WDR59: variants seen among roughly 807,000 people sequenced by gnomAD.
WDR59 encodes GATOR2 complex protein WDR59.
A neutral mutation model predicts 131.2 loss-of-function variants in WDR59; 100 were observed. The ratio of observed to expected loss-of-function variants is 0.76; its 90% CI spans 0.65 to 0.90. The LOEUF is 0.90. Ranked by LOEUF, WDR59 falls within the 40% of genes least tolerant of loss-of-function variation. The pLI, the probability that WDR59 is intolerant of heterozygous loss-of-function variation, is 0.00. For synonymous variants in WDR59, 601 were observed against 466.2 expected, an observed-to-expected ratio of 1.29 and a Z score of -3.72; for missense variants, 1,203 against 1,262.2, an observed-to-expected ratio of 0.95 and a Z score of 0.71.
chr16:74,936,137 C>A (rs998973684), intron 8 of WDR59, among the ~76,000 whole-genome samples: 1 of 152,110 alleles, frequency 6.6e-6, no homozygotes, highest in Admixed American at 6.6e-5. Context: ...ATGCCCCAGC[C>A]TCCCAAAGTG....
At chr16:74,915,673 C>G in intron 13 of WDR59, 197 bp downstream of exon 13, 1 of 644,040 alleles carries the variant, frequency 1.6e-6, no homozygotes. Context: ...ATCTGTCCAC[C>G]TCAGACTCCC....
At chr16:74,922,228 T>A in intron 9 of WDR59, 125 bp from the exon 10 acceptor site, 1 of 1,263,854 alleles carries the variant, frequency 7.9e-7, no homozygotes, top group South Asian at 1.5e-5. Context: ...CCCCAACTCA[T>A]CTGGAGAAAT....
At chr16:74,911,152 C>T (rs1597695990) in intron 14 of WDR59, among the ~76,000 whole-genome samples, 1 of 152,198 alleles carries the variant, frequency 6.6e-6, no homozygotes, top group African/African-American at 2.4e-5. Flanking sequence ...GAGTGAGCCA[C>T]CGCACCCGGA....
At chr16:74,907,484 A>C (rs1347151938) in intron 17 of WDR59, among the ~76,000 whole-genome samples, 1 of 152,130 alleles carries the variant, frequency 6.6e-6, no homozygotes, top group Non-Finnish European at 1.5e-5. Context: ...GCCATGTAAG[A>C]AGTGCCTCTT....
intron 1 of WDR59, among the ~76,000 whole-genome samples, chr16:74,984,284 AT>A (rs1416342375): frequency 1.3e-5 from 2 of 152,186 alleles, no homozygotes; most frequent in Non-Finnish European, 2.9e-5. Flanking sequence ...CTCAAAAAAA[AT>A]AAATTAAATT....
Position 74,884,626 on chromosome 16 carries a change from G to C in WDR59, c.2689+1027C>G, listed in dbSNP as rs1034895974. 7.2e-5 allele frequency among the ~76,000 whole-genome samples: 11 copies of C among 152,322 alleles called. 1 individual carries two copies. The highest frequency in any genetic ancestry group is 1.9e-4 in the East Asian group (1 of 5,186). ...GCCTCCCAAAGTGCTGGGATTACAGGCGTAAGTCACCACGTCCGGCCAAAT... is the reference window on the plus strand; with the variant it reads ...GCCTCCCAAAGTGCTGGGATTACAGCCGTAAGTCACCACGTCCGGCCAAAT... On this transcript the variant is annotated intron_variant, in intron 25 of 25. Transcript: ENST00000262144.
chr16:74,958,286 T>C (rs761299172), intron 2 of WDR59, among the ~76,000 whole-genome samples: 1 of 151,812 alleles, frequency 6.6e-6, no homozygotes, highest in African/African-American at 2.4e-5. Flanking sequence ...CAAATGGTAA[T>C]TGATCTAAAG....
chr16:74,981,613 CATAT>C (rs1162042042), intron 1 of WDR59, among the ~76,000 whole-genome samples: 60 of 27,768 alleles, frequency 2.2e-3, no homozygotes, highest in African/African-American at 8.3e-3. Context: ...TATACATTTA[CATAT>C]ATATATATAT....
In WDR59 at chr16:74,909,632, T is replaced by C. The variant is rs1270458080; in HGVS notation, c.1511A>G (p.Asn504Ser). ...FVNQEDSASS[N>S]PFALPNSVTP... ...GACAGAGTTGGGGAGTGCAAACGGG[T>C]TGCTGGAAGCGCTGTCTTCCTGGTT... The change falls in exon 16 of 26, where the codon AAC becomes AGC. Residue 504 changes from asparagine to serine, a missense_variant. Coordinates refer to ENST00000262144, the MANE Select transcript of WDR59 (RefSeq NM_030581.4). 2 of 1,586,754 alleles carry C rather than the reference T, an allele frequency of 1.3e-6. No homozygotes were observed. Among genetic ancestry groups the C allele is most frequent in the Non-Finnish European group, 1.7e-6 (2 of 1,169,210 alleles).
chr16:74,927,678 T>TAA (rs199980310), intron 8 of WDR59, among the ~76,000 whole-genome samples: 10 of 142,376 alleles, frequency 7.0e-5, no homozygotes, highest in African/African-American at 2.6e-4. Flanking sequence ...TGCTGCTCTT[T>TAA]AAAAAACACA....
At chr16:74,934,978 C>A (rs1159761957) in intron 8 of WDR59, among the ~76,000 whole-genome samples, 6 of 152,214 alleles carry the variant, frequency 3.9e-5, no homozygotes, top group Non-Finnish European at 7.4e-5. Flanking sequence ...CCTATAATCC[C>A]AGCACTTTGG....
intron 8 of WDR59, among the ~76,000 whole-genome samples, chr16:74,924,324 C>G (rs1366483991): frequency 3.3e-5 from 5 of 152,224 alleles, no homozygotes; most frequent in Non-Finnish European, 7.3e-5. Context: ...ATCACGTTTA[C>G]ATCTTGCAGG....
intron 10 of WDR59, among the ~76,000 whole-genome samples, chr16:74,918,895 T>C (rs954295416): frequency 1.3e-5 from 2 of 152,026 alleles, no homozygotes; most frequent in African/African-American, 4.8e-5. Context: ...AACCAAAAAT[T>C]CACTCTTCAA....
intron 6 of WDR59, among the ~76,000 whole-genome samples, chr16:74,945,815 C>CTTTTT (rs777336166): frequency 7.5e-6 from 1 of 133,026 alleles, no homozygotes; most frequent in African/African-American, 2.9e-5. Context: ...ATTCACATAA[C>CTTTTT]TTTTTTTTTT....
chr16:74,888,310 G>C lies in WDR59; in HGVS notation c.2205C>G (p.His735Gln), dbSNP rs1455855087. 1 of 1,612,762 alleles carries C rather than the reference G, an allele frequency of 6.2e-7. No homozygotes were observed. The highest frequency in any genetic ancestry group is 1.3e-5 in the African/African-American group (1 of 74,958). Residue 735 changes from histidine to glutamine, a missense_variant, in exon 22 of 26, where the codon CAC becomes CAG. By Grantham distance (24) the His-to-Gln change is conservative. Coordinates refer to ENST00000262144, the MANE Select transcript of WDR59 (RefSeq NM_030581.4). ...TCTGAACATCCCGGAGCCGGCAATA[G>C]TGAGCCAACCTGAGGAAAAGATAAG... ...GRQLLESLLA[H>Q]YCRLRDVQTL...
At chr16:74,958,148 G>A (rs1296189304) in intron 2 of WDR59, among the ~76,000 whole-genome samples, 2 of 152,142 alleles carry the variant, frequency 1.3e-5, no homozygotes, top group African/African-American at 4.8e-5. Context: ...GCACTTCAGG[G>A]TGAACACGCC....
chr16:74,890,190 G>C (rs548422368), intron 20 of WDR59, among the ~76,000 whole-genome samples: 1 of 151,982 alleles, frequency 6.6e-6, no homozygotes. Flanking sequence ...TCGCTCTGTC[G>C]CCCAGGCTGG....
In WDR59 at chr16:74,942,782, G is replaced by A. The variant is rs201155431; in HGVS notation, c.490C>T (p.Leu164Phe). The change falls in exon 7 of 26, where the codon CTT becomes TTT. Residue 164 changes from leucine to phenylalanine, a missense_variant. By Grantham distance (22) the Leu-to-Phe change is conservative. Transcript: ENST00000262144. ...VKWNKKNANCLATSHDGDVRI... is the reference protein window; with the variant it reads ...VKWNKKNANCFATSHDGDVRI... ...ACATCGCCGTCATGGCTGGTGGCAAGGCAGTTAGCATTTTTTTTATTCCAT... is the reference window on the plus strand; with the variant it reads ...ACATCGCCGTCATGGCTGGTGGCAAAGCAGTTAGCATTTTTTTTATTCCAT... The A allele has an allele frequency of 2.5e-6, 4 of 1,611,768 alleles. No homozygotes were observed. Among genetic ancestry groups the A allele is most frequent in the Non-Finnish European group, 3.4e-6 (4 of 1,179,502 alleles).
intron 2 of WDR59, chr16:74,963,137 T>C (rs978369219): frequency 1.3e-5 from 2 of 152,048 alleles, no homozygotes; most frequent in African/African-American, 2.4e-5. Context: ...GCACCTGTAG[T>C]CCCAGCTACT....
Sources: allele counts gnomAD v4.1 joint callset (sites outside exome capture counted in the v4.1 genomes callset), GRCh38; gene constraint gnomAD v4.1.1; transcripts MANE v1.5; gene names NCBI Gene and HGNC (gene_info 2026-07-23, HGNC 2026-07-21).